Variants in GRK3 observed in about 807,000 individuals in gnomAD.
GRK3 encodes the protein G protein-coupled receptor kinase 3, also known as adrenergic, beta, receptor kinase 2.
In GRK3, 54 loss-of-function variants were observed where a neutral mutation model predicts 95.7. The observed-to-expected ratio is 0.56, with a 90% CI of 0.45 to 0.71. GRK3 has a LOEUF of 0.71. GRK3 is among the 30% of genes least tolerant of loss of function. The pLI is 0.00. For synonymous variants in GRK3, 281 were observed against 290.8 expected (o/e 0.97, Z 0.34); for missense variants, 649 against 851.2 (o/e 0.76, Z 2.96).
chr22:25,691,113 G>GT (rs2085161787), intron 12 of GRK3, among the ~76,000 whole-genome samples: 1 of 152,188 alleles, frequency 6.6e-6, no homozygotes, highest in Non-Finnish European at 1.5e-5. Flanking sequence ...ACGTGCACTG[G>GT]TTTTCATTTC....
At position 25,722,454 on chromosome 22, in the gene GRK3, C is replaced by T. The variant is rs1350836859; in HGVS notation, c.*4C>T. 2 of 1,613,642 alleles carry T rather than the reference C, an allele frequency of 1.2e-6. No individual in the cohort carries two copies. Among genetic ancestry groups the T allele is most frequent in the East Asian group, 2.2e-5 (1 of 44,874 alleles). On this transcript the variant is annotated 3_prime_UTR_variant, in exon 21 of 21. Coordinates refer to ENST00000324198, the MANE Select transcript of GRK3 (RefSeq NM_005160.4). ...CAGAAACAGCAACGGCCTCTAGCAC[C>T]CAGAAACAGGGAGGGTCCTCGAGGA...
intron 1 of GRK3, among the ~76,000 whole-genome samples, chr22:25,573,280 A>G (rs1326658349): frequency 6.6e-6 from 1 of 152,212 alleles, no homozygotes; most frequent in Non-Finnish European, 1.5e-5. Flanking sequence ...GATCTGTAAA[A>G]TTATCATAAT....
chr22:25,631,421 C>T (rs2084663502), intron 2 of GRK3, among the ~76,000 whole-genome samples: 1 of 152,202 alleles, frequency 6.6e-6, no homozygotes, highest in South Asian at 2.1e-4. Context: ...TGCAAGTGAT[C>T]AGGCTGGCTT....
intron 18 of GRK3, among the ~76,000 whole-genome samples, chr22:25,717,072 G>A (rs1175341892): frequency 2.0e-5 from 3 of 152,204 alleles, no homozygotes; most frequent in Admixed American, 2.0e-4. Context: ...AAGAAGGTTC[G>A]GGACCACTGC....
intron 1 of GRK3, among the ~76,000 whole-genome samples, chr22:25,569,364 G>T (rs764599815): frequency 4.6e-5 from 7 of 152,218 alleles, no homozygotes; most frequent in Non-Finnish European, 1.0e-4. Context: ...AGTGCGTGTA[G>T]ATGTCAATTC....
In GRK3 at chr22:25,685,152, T is replaced by G; in HGVS notation, c.748-18T>G. 3.8e-6 allele frequency: 6 copies of G among 1,586,124 alleles called. No individual in the cohort carries two copies. The highest frequency in any genetic ancestry group is 5.2e-6 in the Non-Finnish European group (6 of 1,156,166). ...GCAGCTTTTGCTCTTCTTATAAACTTTTATTGTTTCACTCTAGGACTGTCC... is the reference window on the plus strand; with the variant it reads ...GCAGCTTTTGCTCTTCTTATAAACTGTTATTGTTTCACTCTAGGACTGTCC... On this transcript the variant is annotated intron_variant, in intron 9 of 20. Coordinates refer to ENST00000324198, the MANE Select transcript of GRK3 (RefSeq NM_005160.4).
chr22:25,596,067 C>T (rs866558000), intron 1 of GRK3, among the ~76,000 whole-genome samples: 2 of 152,120 alleles, frequency 1.3e-5, no homozygotes, highest in Admixed American at 6.5e-5. Context: ...CCACCCTCTA[C>T]AAGAAGGGAA....
chr22:25,726,948 TGTGTG>T lies in GRK3; in HGVS notation c.*4499_*4503del. The T allele has an allele frequency of 6.4e-6, 1 of 155,496 alleles. No homozygotes were observed. Among genetic ancestry groups the T allele is most frequent in the Non-Finnish European group, 1.4e-5 (1 of 71,618 alleles). The allele number at this position is 155,496 out of a possible 1,614,324, so 9.6% of individuals were successfully genotyped here. A position where few individuals can be genotyped will look rare whatever the true frequency, so the allele number is the denominator to read the frequency against. ...GTGTGTGTGTGTGTGTGTGTGTGTG[TGTGTG>T]TGTGCACTTTGCAGCCCCCGAGGTG... is the stretch of plus-strand genomic sequence containing the variant. On this transcript the variant is annotated 3_prime_UTR_variant, in exon 21 of 21. Coordinates refer to ENST00000324198, the MANE Select transcript of GRK3 (RefSeq NM_005160.4).
chr22:25,695,121 A>G lies in GRK3; in HGVS notation c.1067A>G (p.Tyr356Cys). 1 of 1,613,824 alleles carries G rather than the reference A, an allele frequency of 6.2e-7. No individual in the cohort carries two copies. Among genetic ancestry groups the G allele is most frequent in the Non-Finnish European group, 8.5e-7 (1 of 1,179,746 alleles). ...KPHASVGTHGYMAPEVLQKGT... is the reference protein window; with the variant it reads ...KPHASVGTHGCMAPEVLQKGT... ...CTTCTCCCTAGTGGCACCCATGGGT[A>G]CATGGCTCCCGAGGTGCTGCAGAAG... The change falls in exon 13 of 21, where the codon TAC (tyrosine) becomes TGC (cysteine). Residue 356 changes from tyrosine to cysteine, a missense_variant. Around this residue, in one of 3 missense-constraint regions of GRK3, gnomAD observed 382 missense variants for 493.8 expected, o/e 0.77. Transcript: ENST00000324198.
chr22:25,621,094 A>G (rs534280531), intron 2 of GRK3, among the ~76,000 whole-genome samples: 2 of 152,390 alleles, frequency 1.3e-5, no homozygotes, highest in South Asian at 2.1e-4. Flanking sequence ...ACTAGACCCA[A>G]TAAAAAGTCC....
In GRK3 at chr22:25,657,409, A is replaced by G. The variant is rs189357663; in HGVS notation, c.265-4167A>G. Among the ~76,000 whole-genome samples, 127 of 152,294 alleles carry G rather than the reference A, an allele frequency of 8.3e-4. 2 individuals are homozygous for G. Among genetic ancestry groups the G allele is most frequent in the East Asian group, 9.6e-4 (5 of 5,190 alleles). On this transcript the variant is annotated intron_variant, in intron 3 of 20. Transcript: ENST00000324198. Reference sequence around the variant, plus strand: ...ACATTTTTGATTGTTGTGTCTTTCCATATGAAATGTGTCTATCTCTGGTAA... The same window carrying G: ...ACATTTTTGATTGTTGTGTCTTTCCGTATGAAATGTGTCTATCTCTGGTAA...
rs146193399 is a variant in GRK3, at chr22:25,703,568, C to G, written c.1219C>G (p.Leu407Val). The G allele has an allele frequency of 1.9e-6, 3 of 1,611,410 alleles. No individual in the cohort carries two copies. Among genetic ancestry groups the G allele is most frequent in the African/African-American group, 2.7e-5 (2 of 74,844 alleles). ...KDKHEIDRMT[L>V]TVNVELPDTF... ...CAAGCATGAAATTGACCGAATGACA[C>G]TCACCGTGGTAAGGGGATTCAAAAC... Residue 407 changes from leucine (L) to valine (V), a missense_variant, in exon 14 of 21, where the codon CTC becomes GTC. Around this residue, in one of 3 missense-constraint regions of GRK3, gnomAD observed 382 missense variants for 493.8 expected, o/e 0.77. Transcript: ENST00000324198.
At chr22:25,642,299 C>T (rs569704008) in intron 2 of GRK3, among the ~76,000 whole-genome samples, 132 of 152,072 alleles carry the variant, frequency 8.7e-4, no homozygotes, top group African/African-American at 2.4e-3. Flanking sequence ...CGGCCATGAT[C>T]GCGGGTGCCT....
intron 11 of GRK3, among the ~76,000 whole-genome samples, chr22:25,687,984 C>A (rs563929827): frequency 6.6e-6 from 1 of 152,134 alleles, no homozygotes; most frequent in Non-Finnish European, 1.5e-5. Context: ...TGCCTGTAAT[C>A]CCAGCACTTT....
At position 25,646,246 on chromosome 22, in the gene GRK3, A is replaced by G. The variant is rs573587907; in HGVS notation, c.264+1581A>G. On this transcript the variant is annotated intron_variant, in intron 3 of 20. Coordinates refer to ENST00000324198, the MANE Select transcript of GRK3 (RefSeq NM_005160.4). ...TAACTTTAAAATAACTATGAATCAT[A>G]TGTTCAAGAAAAAAGAGAAAAAGAT... is the stretch of plus-strand genomic sequence containing the variant. Among the ~76,000 whole-genome samples, 5 of 152,334 alleles carry G rather than the reference A, an allele frequency of 3.3e-5. No homozygotes were observed. The East Asian group carries it at 9.6e-4, about 29-fold the overall frequency.
intron 1 of GRK3, among the ~76,000 whole-genome samples, chr22:25,573,637 G>A (rs1464312906): frequency 6.6e-6 from 1 of 152,146 alleles, no homozygotes; most frequent in African/African-American, 2.4e-5. Context: ...AACATAAAAT[G>A]ACTGTAATCC....
chr22:25,589,719 TG>T (rs768683322), intron 1 of GRK3, among the ~76,000 whole-genome samples: 12 of 152,356 alleles, frequency 7.9e-5, no homozygotes, highest in Admixed American at 2.6e-4. Context: ...TTATTAATAC[TG>T]TATTAGTCTG....
intron 17 of GRK3, among the ~76,000 whole-genome samples, chr22:25,713,375 G>A (rs1568939944): frequency 1.3e-5 from 2 of 152,148 alleles, no homozygotes; most frequent in African/African-American, 2.4e-5. Flanking sequence ...AGGTCAAAGC[G>A]ACCTCAGAAT....
chr22:25,678,862 G>A lies in GRK3; in HGVS notation c.694G>A (p.Gly232Arg). The stretch of plus-strand genomic sequence containing the variant: ...TAAGAAGAGGATCAAAATGAAACAA[G>A]GAGAAACATTAGCCTTAAATGAAAG... ...LDKKRIKMKQ[G>R]ETLALNERIM... The change falls in exon 9 of 21, where the codon GGA becomes AGA. Residue 232 changes from glycine (G) to arginine (R), a missense_variant. Transcript: ENST00000324198. 1.2e-6 allele frequency: 2 copies of A among 1,609,254 alleles called. No individual in the cohort carries two copies. Among genetic ancestry groups the A allele is most frequent in the Non-Finnish European group, 1.7e-6 (2 of 1,177,138 alleles).
Sources: allele counts gnomAD v4.1 joint callset (sites outside exome capture counted in the v4.1 genomes callset), GRCh38; gene constraint gnomAD v4.1.1; regional missense constraint gnomAD v4.1.1; transcripts MANE v1.5; gene names NCBI Gene and HGNC (gene_info 2026-07-23, HGNC 2026-07-21).